The following KCNN2 variants were observed in gnomAD, a reference collection of about 807,000 sequenced individuals.
The protein encoded by KCNN2 is potassium calcium-activated channel subfamily N member 2.
A neutral mutation model predicts 55.5 loss-of-function variants in KCNN2; 24 were observed. The observed-to-expected ratio is 0.43, with a 90% CI of 0.31 to 0.61. The LOEUF (loss-of-function observed/expected upper bound fraction) is 0.61. KCNN2 is among the 20% of genes least tolerant of loss of function. The pLI is 0.08. For missense variants in KCNN2, 754 were observed against 853.6 expected, an observed-to-expected ratio of 0.88 and a Z score of 1.45; for synonymous variants, 431 against 336.1, an observed-to-expected ratio of 1.28 and a Z score of -3.09.
chr5:114,107,732 C>T (rs1751518537), intron 1 of KCNN2, among the ~76,000 whole-genome samples: 1 of 151,932 alleles, frequency 6.6e-6, no homozygotes, highest in Admixed American at 6.6e-5. Flanking sequence ...TCAATTTCCA[C>T]CATAAATAAA....
intron 2 of KCNN2, among the ~76,000 whole-genome samples, chr5:114,397,834 T>C (rs1758666593): frequency 1.3e-5 from 2 of 152,238 alleles, no homozygotes; most frequent in Non-Finnish European, 2.9e-5. Flanking sequence ...ATGCCTTATT[T>C]TTGAATAAAG....
chr5:114,203,288 C>A (rs1369933936), intron 1 of KCNN2, among the ~76,000 whole-genome samples: 1 of 152,050 alleles, frequency 6.6e-6, no homozygotes, highest in East Asian at 1.9e-4. Flanking sequence ...CATTTAAAGT[C>A]CACTGTGATA....
At chr5:114,406,548 T>TC (rs1414728018) in intron 3 of KCNN2, among the ~76,000 whole-genome samples, 1 of 152,048 alleles carries the variant, frequency 6.6e-6, no homozygotes, top group Non-Finnish European at 1.5e-5. Context: ...TTTTTTTTTT[T>TC]CTGGAAGAAA....
At chr5:114,465,919 A>C (rs1010839115) in intron 4 of KCNN2, among the ~76,000 whole-genome samples, 5 of 152,168 alleles carry the variant, frequency 3.3e-5, no homozygotes, top group Non-Finnish European at 2.9e-5. Context: ...GCAGATTCCC[A>C]TGGAGTCAGG....
intron 3 of KCNN2, among the ~76,000 whole-genome samples, chr5:114,424,626 C>A (rs530394700): frequency 6.6e-6 from 1 of 152,142 alleles, no homozygotes; most frequent in African/African-American, 2.4e-5. Flanking sequence ...TTCGGAGAGG[C>A]CAGGCACTGG....
At chr5:114,265,569 TCAGG>T (rs1755193769) in intron 2 of KCNN2, among the ~76,000 whole-genome samples, 1 of 152,112 alleles carries the variant, frequency 6.6e-6, no homozygotes, top group Non-Finnish European at 1.5e-5. Flanking sequence ...AGCTCAACAG[TCAGG>T]CAGGAGGAGT....
At chr5:114,382,636 C>A (rs1397123772) in intron 2 of KCNN2, among the ~76,000 whole-genome samples, 1 of 152,190 alleles carries the variant, frequency 6.6e-6, no homozygotes, top group Non-Finnish European at 1.5e-5. Flanking sequence ...AAAAGCCACC[C>A]AAGACAATAC....
intron 2 of KCNN2, among the ~76,000 whole-genome samples, chr5:114,345,316 T>C (rs1757086659): frequency 6.6e-6 from 1 of 152,152 alleles, no homozygotes; most frequent in Non-Finnish European, 1.5e-5. Context: ...CTAATAAAAT[T>C]GGTTTTCTAC....
At chr5:114,443,270 C>CA (rs1285668292) in intron 3 of KCNN2, among the ~76,000 whole-genome samples, 1 of 144,840 alleles carries the variant, frequency 6.9e-6, no homozygotes, top group Non-Finnish European at 1.5e-5. Flanking sequence ...AGCCTGGCGA[C>CA]AGAGAGAGAC....
chr5:114,324,162 G>T (rs530723295), intron 2 of KCNN2, among the ~76,000 whole-genome samples: 2 of 152,214 alleles, frequency 1.3e-5, no homozygotes, highest in African/African-American at 2.4e-5. Flanking sequence ...TTATTAGGAT[G>T]TATTCTTCAT....
chr5:114,085,047 T>G (rs1750984254), intron 1 of KCNN2, among the ~76,000 whole-genome samples: 1 of 82,068 alleles, frequency 1.2e-5, no homozygotes, highest in South Asian at 5.7e-4. Context: ...TGATTATATA[T>G]AGAGACATAT....
At chr5:114,387,755 G>T (rs1307044562) in intron 2 of KCNN2, among the ~76,000 whole-genome samples, 2 of 152,144 alleles carry the variant, frequency 1.3e-5, no homozygotes, top group Non-Finnish European at 2.9e-5. Context: ...ACATCCTGTA[G>T]CTCTGAGGGA....
At chr5:114,119,944 G>C (rs1300966155) in intron 1 of KCNN2, among the ~76,000 whole-genome samples, 1 of 152,078 alleles carries the variant, frequency 6.6e-6, no homozygotes, top group Non-Finnish European at 1.5e-5. Flanking sequence ...ATGCCATTAG[G>C]AGATGGAAAG....
At chr5:114,382,528 G>A (rs1758155629) in intron 2 of KCNN2, among the ~76,000 whole-genome samples, 1 of 152,168 alleles carries the variant, frequency 6.6e-6, no homozygotes, top group African/African-American at 2.4e-5. Context: ...TGTGCCATGT[G>A]ATTACATTAG....
chr5:114,197,456 C>G (rs1344280963), intron 1 of KCNN2, among the ~76,000 whole-genome samples: 1 of 152,096 alleles, frequency 6.6e-6, no homozygotes, highest in Non-Finnish European at 1.5e-5. Flanking sequence ...TTGAATTGCC[C>G]AGTTCTGCCT....
intron 1 of KCNN2, among the ~76,000 whole-genome samples, chr5:114,103,819 C>T (rs1438455588): frequency 6.6e-6 from 1 of 152,052 alleles, no homozygotes; most frequent in Non-Finnish European, 1.5e-5. Flanking sequence ...CTGCTGGATT[C>T]GGTTTGCCAA....
At chr5:114,404,368 T>C in intron 2 of KCNN2, 70 bp from the exon 3 acceptor site, 1 of 1,289,540 alleles carries the variant, frequency 7.8e-7, no homozygotes, top group Non-Finnish European at 1.1e-6. Context: ...TGTGTGTTTT[T>C]AAAATCTGCA....
At position 114,137,604 on chromosome 5, in the gene KCNN2, C is replaced by T. The variant is rs185728341; in HGVS notation, c.-271+81104C>T. Reference sequence around the variant, plus strand: ...TATGTTGTTTTATATGCAGAAATGGCATGGCTTAGAGTGGCAATAATTCTT... The same window carrying T: ...TATGTTGTTTTATATGCAGAAATGGTATGGCTTAGAGTGGCAATAATTCTT... On this transcript the variant is annotated intron_variant, in intron 1 of 10. Coordinates refer to the KCNN2 transcript ENST00000512097. 3.7e-3 allele frequency among the ~76,000 whole-genome samples: 564 copies of T among 152,136 alleles called. 1 individual carries two copies. Among genetic ancestry groups the T allele is most frequent in the Admixed American group, 8.6e-3 (131 of 15,270 alleles).
rs115402522 is a variant in KCNN2, at chr5:114,170,743, A to C, written c.-270-50737A>C. ...TCTGTCTCTCAATTTTTTTCCAAAA[A>C]CCTAGTCATTTACCTATGTTTGTAT... On this transcript the variant is annotated intron_variant, in intron 1 of 10. Coordinates refer to the KCNN2 transcript ENST00000512097. Among the ~76,000 whole-genome samples, 575 of 152,044 alleles carry C rather than the reference A, an allele frequency of 3.8e-3. 1 individual carries two copies. Among genetic ancestry groups the C allele is most frequent in the African/African-American group, 0.013 (537 of 41,518 alleles).
Sources: gnomAD v4.1 joint callset for allele counts (sites outside exome capture counted in the v4.1 genomes callset) on GRCh38, gnomAD v4.1.1 for gene constraint, MANE v1.5 for transcripts, NCBI Gene and HGNC (gene_info 2026-07-23, HGNC 2026-07-21) for gene names.